Variants in MEIS1 observed in about 807,000 individuals in gnomAD.
MEIS1 encodes Meis homeobox 1.
In MEIS1, 5 loss-of-function variants were observed where a neutral mutation model predicts 50.8. The observed-to-expected ratio is 0.10, with a 90% CI of 0.05 to 0.21. MEIS1 has a LOEUF of 0.21. MEIS1 is among the 10% of genes least tolerant of loss of function. MEIS1 has a pLI of 1.00. For missense variants in MEIS1, 318 were observed against 517.3 expected (o/e 0.61, Z 3.74); for synonymous variants, 176 against 179.3 (o/e 0.98, Z 0.15).
intron 9 of MEIS1, among the ~76,000 whole-genome samples, chr2:66,562,914 A>G (rs2103964937): frequency 6.6e-6 from 1 of 152,324 alleles, no homozygotes; most frequent in Non-Finnish European, 1.5e-5. Context: ...AAGAAACCCT[A>G]TGTTCGAATG....
chr2:66,438,478 GT>G (rs1235089146), intron 2 of MEIS1, among the ~76,000 whole-genome samples: 3 of 152,262 alleles, frequency 2.0e-5, no homozygotes, highest in Non-Finnish European at 4.4e-5. Context: ...GGGGGAACAT[GT>G]TTTGCATTTA....
At chr2:66,499,436 C>T (rs4547518) in intron 7 of MEIS1, among the ~76,000 whole-genome samples, 41,573 of 151,798 alleles carry the variant, frequency 0.27, 6,351 homozygotes, top group Middle Eastern at 0.39. Flanking sequence ...TGGACTCTCT[C>T]ATCCCTCATT....
intron 1 of MEIS1, chr2:66,437,523 A>C: frequency 3.4e-6 from 2 of 584,786 alleles, no homozygotes; most frequent in Non-Finnish European, 6.1e-6. Flanking sequence ...GGGCAAGATC[A>C]TTCATCCCAG....
chr2:66,454,934 A>G (rs1274398146), intron 6 of MEIS1: 1 of 152,206 alleles, frequency 6.6e-6, no homozygotes, highest in East Asian at 1.9e-4. Context: ...ATTTGGAAAT[A>G]TAGTGGTATC....
intron 7 of MEIS1, among the ~76,000 whole-genome samples, chr2:66,498,035 C>T (rs980131718): frequency 4.6e-5 from 7 of 151,706 alleles, no homozygotes; most frequent in African/African-American, 7.3e-5. Context: ...AATGGTATGC[C>T]ATGTTAGGAG....
intron 7 of MEIS1, among the ~76,000 whole-genome samples, chr2:66,470,045 C>G (rs1365503544): frequency 4.6e-5 from 7 of 151,784 alleles, no homozygotes; most frequent in African/African-American, 7.3e-5. Context: ...TTTGTTGTTT[C>G]ATTTGTCTGT....
chr2:66,559,323 A>G (rs1410904892), intron 9 of MEIS1, among the ~76,000 whole-genome samples: 2 of 152,220 alleles, frequency 1.3e-5, no homozygotes, highest in East Asian at 3.8e-4. Flanking sequence ...TGGGAGGCTC[A>G]TGGTTTATGC....
rs746949791 is a variant in MEIS1, at chr2:66,437,946, T to G, written c.222T>G (p.Asp74Glu). Residue 74 changes from aspartate to glutamate, a missense_variant, in exon 2 of 13, where the codon GAT becomes GAG. By Grantham distance (45) the Asp-to-Glu change is conservative (BLOSUM62 2). This residue lies in a region of MEIS1 where 100 missense variants were observed against 107.1 expected (regional missense o/e 0.93). Coordinates refer to ENST00000272369, the MANE Select transcript of MEIS1 (RefSeq NM_002398.3). ...CTGTCAATGACGCTTTAAAGAGAGA[T>G]AAAGATGCCATTTATGGGTAGGTAC... ...GSSVNDALKR[D>E]KDAIYGHPLF... The G allele has an allele frequency of 5.1e-6, 8 of 1,579,034 alleles. No individual in the cohort carries two copies. In the South Asian group the frequency reaches 9.3e-5, roughly 18 times the overall value.
At position 66,515,236 on chromosome 2, in the gene MEIS1, AAAGACATATTCG is replaced by A. The variant is rs1673936710; in HGVS notation, c.888+2945_888+2956del. ...TAAACTAGTCTTTTTTTAAATGTCA[AAAGACATATTCG>A]AAAACCTCTCACACCTTTTAAAAGC... On this transcript the variant is annotated intron_variant, in intron 8 of 12. Coordinates refer to ENST00000272369, the MANE Select transcript of MEIS1 (RefSeq NM_002398.3). 2.0e-5 allele frequency among the ~76,000 whole-genome samples: 3 copies of A among 152,322 alleles called. No homozygotes were observed. In the South Asian group the frequency reaches 6.2e-4, roughly 32 times the overall value.
chr2:66,469,338 AG>A (rs1373049358), intron 7 of MEIS1, among the ~76,000 whole-genome samples: 2 of 152,134 alleles, frequency 1.3e-5, no homozygotes, highest in Non-Finnish European at 2.9e-5. Flanking sequence ...GTGTGAGTCC[AG>A]GCAACCTATA....
intron 7 of MEIS1, among the ~76,000 whole-genome samples, chr2:66,490,929 G>A (rs758076107): frequency 1.2e-4 from 19 of 152,040 alleles, no homozygotes; most frequent in African/African-American, 1.4e-4. Context: ...TACCATTTGC[G>A]TTGCATCTTT....
At chr2:66,473,397 A>AAAAAAAAAAAAAAAT in intron 7 of MEIS1, among the ~76,000 whole-genome samples, 1 of 107,612 alleles carries the variant, frequency 9.3e-6, no homozygotes, top group African/African-American at 5.8e-5. Context: ...AAAAAAAAAA[A>AAAAAAAAAAAAAAAT]ATATATATAT....
At chr2:66,541,666 GA>G (rs1674656121) in intron 8 of MEIS1, among the ~76,000 whole-genome samples, 1 of 152,192 alleles carries the variant, frequency 6.6e-6, no homozygotes, top group South Asian at 2.1e-4. Context: ...GGCAATATAG[GA>G]GTGTTGGTGG....
chr2:66,559,404 T>A (rs1217031045), intron 9 of MEIS1, among the ~76,000 whole-genome samples: 1 of 152,242 alleles, frequency 6.6e-6, no homozygotes, highest in Admixed American at 6.5e-5. Flanking sequence ...TGACAAATTA[T>A]CTGCTCATCA....
chr2:66,469,617 G>A (rs1433445508), intron 7 of MEIS1, among the ~76,000 whole-genome samples: 1 of 152,160 alleles, frequency 6.6e-6, no homozygotes, highest in African/African-American at 2.4e-5. Context: ...GGGAAGGAGC[G>A]CTCTGATTGG....
chr2:66,567,724 GA>G, intron 10 of MEIS1: 1 of 664,598 alleles, frequency 1.5e-6, no homozygotes, highest in Non-Finnish European at 2.7e-6. Context: ...AGCCAACAGA[GA>G]AAAGTAACTC....
intron 7 of MEIS1, among the ~76,000 whole-genome samples, chr2:66,483,143 C>T (rs1257284355): frequency 6.6e-6 from 1 of 151,560 alleles, no homozygotes; most frequent in Non-Finnish European, 1.5e-5. Context: ...TCATTATCAG[C>T]TGATTAATTT....
At chr2:66,501,495 GT>G (rs375216017) in intron 7 of MEIS1, among the ~76,000 whole-genome samples, 338 of 148,242 alleles carry the variant, frequency 2.3e-3, no homozygotes, top group East Asian at 0.015. Context: ...TAAAATCTGT[GT>G]TTTTTTTTTC....
At chr2:66,450,587 T>G (rs1672256225) in intron 6 of MEIS1, among the ~76,000 whole-genome samples, 1 of 152,244 alleles carries the variant, frequency 6.6e-6, no homozygotes. Context: ...ATAGTTGTGC[T>G]GCTGCTTTTA....
Sources: gnomAD v4.1 joint callset for allele counts (sites outside exome capture counted in the v4.1 genomes callset) on GRCh38, gnomAD v4.1.1 for gene constraint, gnomAD v4.1.1 regional missense constraint, MANE v1.5 for transcripts, NCBI Gene and HGNC (gene_info 2026-07-23, HGNC 2026-07-21) for gene names.